Variants in NIBAN2 observed in about 807,000 individuals in gnomAD.
NIBAN2 encodes the protein niban apoptosis regulator 2.
Under a neutral mutation model 81.8 loss-of-function variants are expected in NIBAN2, and 36 were observed. That is an observed-to-expected ratio of 0.44 (90% CI 0.34 to 0.58). NIBAN2 has a LOEUF of 0.58. NIBAN2 is among the 20% of genes least tolerant of loss of function. NIBAN2 has a pLI of 0.02. For missense variants in NIBAN2, 897 were observed against 1,014.1 expected, an observed-to-expected ratio of 0.88 and a Z score of 1.57; for synonymous variants, 445 against 441.6, an observed-to-expected ratio of 1.01 and a Z score of -0.10.
chr9:127,554,523 G>A (rs73599601), intron 1 of NIBAN2, among the ~76,000 whole-genome samples: 189 of 151,038 alleles, frequency 1.3e-3, no homozygotes, highest in African/African-American at 4.5e-3. Context: ...ACAGTCAATA[G>A]GGTTATTCTT....
At chr9:127,541,771 A>T (rs1303072182) in intron 1 of NIBAN2, among the ~76,000 whole-genome samples, 5 of 152,284 alleles carry the variant, frequency 3.3e-5, no homozygotes, top group Admixed American at 3.3e-4. Flanking sequence ...ATACCAGAGA[A>T]GGCAAGGGAC....
Position 127,506,407 on chromosome 9 carries a change from A to C in NIBAN2, c.*438T>G. On this transcript the variant is annotated 3_prime_UTR_variant, in exon 14 of 14. Transcript: ENST00000373312. The stretch of plus-strand genomic sequence containing the variant: ...GCGGAAGGAGCAGGGCCAGGAGGGC[A>C]GCAGTGCTCCCTCTCCCGGTCCTGG... 1 of 156,940 alleles carries C rather than the reference A, an allele frequency of 6.4e-6. No individual in the cohort carries two copies. Among genetic ancestry groups the C allele is most frequent in the Non-Finnish European group, 1.4e-5 (1 of 71,350 alleles). The allele number at this position is 156,940 out of a possible 1,614,324, so 9.7% of individuals were successfully genotyped here. A position where few individuals can be genotyped will look rare whatever the true frequency, so the allele number is the denominator to read the frequency against.
At chr9:127,556,930 AG>A (rs1486622679) in intron 1 of NIBAN2, among the ~76,000 whole-genome samples, 1 of 152,174 alleles carries the variant, frequency 6.6e-6, no homozygotes, top group African/African-American at 2.4e-5. Context: ...AAAATAAATT[AG>A]CCCCATGTGG....
intron 5 of NIBAN2, among the ~76,000 whole-genome samples, chr9:127,518,567 A>G (rs977402816): frequency 6.6e-6 from 1 of 152,242 alleles, no homozygotes; most frequent in African/African-American, 2.4e-5. Flanking sequence ...CTCTGCTCCA[A>G]TAAACTTTGT....
rs1836585769 is a variant in NIBAN2, at chr9:127,505,949, G to A, written c.*896C>T. On this transcript the variant is annotated 3_prime_UTR_variant, in exon 14 of 14. Coordinates refer to ENST00000373312, the MANE Select transcript of NIBAN2 (RefSeq NM_022833.4). ...AGGCAACCACTGAGGACCTCGGGGT[G>A]GCCTGTAGAAGACAGAACCCAGCCC... 6.6e-6 allele frequency: 1 copy of A among 152,412 alleles called. No individual in the cohort carries two copies. The highest frequency in any genetic ancestry group is 1.5e-5 in the Non-Finnish European group (1 of 68,258). The allele number at this position is 152,412 out of a possible 1,614,324, so 9.4% of individuals were successfully genotyped here.
chr9:127,513,598 T>G (rs1836773581), intron 8 of NIBAN2, among the ~76,000 whole-genome samples: 1 of 152,026 alleles, frequency 6.6e-6, no homozygotes, highest in Non-Finnish European at 1.5e-5. Flanking sequence ...ACTGCTACAC[T>G]CCCGCCAGCA....
At chr9:127,567,577 C>A (rs542156353) in intron 1 of NIBAN2, among the ~76,000 whole-genome samples, 2 of 152,214 alleles carry the variant, frequency 1.3e-5, no homozygotes, top group Admixed American at 1.3e-4. Context: ...AGCATGGGTG[C>A]GGCCCTGGAG....
chr9:127,566,181 T>C (rs1489644865), intron 1 of NIBAN2, among the ~76,000 whole-genome samples: 1 of 151,998 alleles, frequency 6.6e-6, no homozygotes. Flanking sequence ...ACTGGGACCT[T>C]GAGCTGGCTT....
At chr9:127,529,682 AT>A (rs962581762) in intron 2 of NIBAN2, among the ~76,000 whole-genome samples, 1 of 151,444 alleles carries the variant, frequency 6.6e-6, no homozygotes, top group Non-Finnish European at 1.5e-5. Context: ...TATTATTCTT[AT>A]TTCTGTTGTA....
Position 127,536,431 on chromosome 9 carries a change from A to G in NIBAN2, c.56-4653T>C, listed in dbSNP as rs1588170001. Among the ~76,000 whole-genome samples the G allele has an allele frequency of 6.6e-6, 1 of 152,144 alleles. No homozygotes were observed. Among genetic ancestry groups the G allele is most frequent in the Admixed American group, 6.5e-5 (1 of 15,286 alleles). ...TGGGGCTGCAGTCCAGGCAGGCCCC[A>G]CCCAGTACCCCACTTTTCCTTCTTG... On this transcript the variant is annotated intron_variant, in intron 1 of 13. Transcript: ENST00000373312. This position sits in a 1 kb window ranked among gnomAD's most constrained non-coding sequence, Gnocchi z 4.0.
At chr9:127,565,989 C>T (rs1310011221) in intron 1 of NIBAN2, among the ~76,000 whole-genome samples, 5 of 140,812 alleles carry the variant, frequency 3.6e-5, no homozygotes, top group African/African-American at 1.1e-4. Context: ...CAAATTAGCA[C>T]GGCATGGTGG....
intron 2 of NIBAN2, among the ~76,000 whole-genome samples, chr9:127,529,335 G>T (rs897247140): frequency 6.6e-6 from 1 of 152,192 alleles, no homozygotes; most frequent in South Asian, 2.1e-4. Context: ...AAACAGTACC[G>T]GCATAAGATA....
At chr9:127,553,921 TC>T (rs1000918322) in intron 1 of NIBAN2, among the ~76,000 whole-genome samples, 1 of 151,886 alleles carries the variant, frequency 6.6e-6, no homozygotes, top group Non-Finnish European at 1.5e-5. Flanking sequence ...GGACTGGAGG[TC>T]TGATGGGTCA....
In NIBAN2 at chr9:127,506,999, G is replaced by A. The variant is rs144973598; in HGVS notation, c.2087C>T (p.Ser696Leu). The A allele has an allele frequency of 1.5e-4, 246 of 1,595,990 alleles. No individual in the cohort carries two copies. The highest frequency in any genetic ancestry group is 2.0e-4 in the Non-Finnish European group (239 of 1,170,070). ...TCCAGGCAGGAGATGCTGGAGGGGT[G>A]AGGCAGGCGGCGAGGAGGCCTCGGG... ...AAPEASSPPA[S>L]PLQHLLPGKA... Residue 696 changes from serine to leucine, a missense_variant, in exon 14 of 14, where the codon TCA (serine) becomes TTA (leucine). Physicochemically the swap from Ser to Leu is moderately radical, Grantham distance 145. Around this residue, in one of 3 missense-constraint regions of NIBAN2, gnomAD observed 619 missense variants for 691.0 expected, o/e 0.90. Transcript: ENST00000373312.
intron 1 of NIBAN2, among the ~76,000 whole-genome samples, chr9:127,574,447 G>A (rs1837984774): frequency 6.6e-6 from 1 of 152,170 alleles, no homozygotes; most frequent in Non-Finnish European, 1.5e-5. Context: ...TTAAAAGGGA[G>A]GGTTCAGACG....
intron 8 of NIBAN2, among the ~76,000 whole-genome samples, chr9:127,514,210 G>A (rs996498401): frequency 1.8e-4 from 27 of 151,386 alleles, no homozygotes; most frequent in African/African-American, 5.3e-4. Flanking sequence ...CAGGGGTTGC[G>A]GTGAGCTGAG....
intron 4 of NIBAN2, among the ~76,000 whole-genome samples, chr9:127,524,149 G>A (rs1891732): frequency 0.64 from 96,990 of 152,016 alleles, 31,241 homozygotes; most frequent in Non-Finnish European, 0.66. Flanking sequence ...ACAACACAAG[G>A]TCAGAGCCCC....
intron 1 of NIBAN2, among the ~76,000 whole-genome samples, chr9:127,567,015 T>C (rs971029369): frequency 2.0e-5 from 3 of 151,416 alleles, no homozygotes; most frequent in African/African-American, 4.9e-5. Context: ...AGGCTCTGAG[T>C]GGGCACAACT....
Position 127,536,103 on chromosome 9 carries a change from G to T in NIBAN2, c.56-4325C>A, listed in dbSNP as rs1837272591. On this transcript the variant is annotated intron_variant, in intron 1 of 13. Coordinates refer to ENST00000373312, the MANE Select transcript of NIBAN2 (RefSeq NM_022833.4). The surrounding 1 kb of genome is among the most constrained non-coding windows in gnomAD (Gnocchi z 4.0). ...GGGCCACGGATGGCTCCTTGGCAGG[G>T]GTAGCCCCGAGCACATTCTTGAGAG... is the stretch of plus-strand genomic sequence containing the variant. Among the ~76,000 whole-genome samples the T allele has an allele frequency of 6.6e-6, 1 of 152,186 alleles. No individual in the cohort carries two copies. The highest frequency in any genetic ancestry group is 1.5e-5 in the Non-Finnish European group (1 of 68,038).
Sources: gnomAD v4.1 joint callset for allele counts (sites outside exome capture counted in the v4.1 genomes callset) on GRCh38, gnomAD v4.1.1 for gene constraint, gnomAD v4.1.1 regional missense constraint, Gnocchi (gnomAD v3.1) non-coding constraint, MANE v1.5 for transcripts, NCBI Gene and HGNC (gene_info 2026-07-23, HGNC 2026-07-21) for gene names.